Variants in PHAF1 observed in about 807,000 individuals in gnomAD.
The protein encoded by PHAF1 is phagosome assembly factor 1.
PHAF1 carries 23 observed loss-of-function variants against 63.1 expected under a neutral mutation model. The ratio of observed to expected loss-of-function variants is 0.36; its 90% CI spans 0.26 to 0.52. The LOEUF is 0.52. Among genes scored for constraint, PHAF1 ranks in the 20% least tolerant of loss-of-function variants. PHAF1 has a pLI of 0.93. For missense variants in PHAF1, 427 were observed against 517.2 expected (o/e 0.83, Z 1.69); for synonymous variants, 167 against 185.0 (o/e 0.90, Z 0.79).
In PHAF1 at chr16:67,147,300, GC is replaced by G; in HGVS notation, c.*172del. ...TGGGTGCTCTGCCATGGGCTGAGTG[GC>G]CCAGATATTCTTCTGTCCATCTTTG... On this transcript the variant is annotated 3_prime_UTR_variant, in exon 16 of 16. Coordinates refer to ENST00000219139, the MANE Select transcript of PHAF1 (RefSeq NM_025187.5). 1.7e-6 allele frequency: 1 copy of G among 603,818 alleles called. No homozygotes were observed. Among genetic ancestry groups the G allele is most frequent in the Non-Finnish European group, 2.9e-6 (1 of 345,712 alleles). 37.4% of individuals were successfully genotyped at this position (603,818 alleles called of 1,614,324 possible). A position where few individuals can be genotyped will look rare whatever the true frequency, so the allele number is the denominator to read the frequency against.
intron 3 of PHAF1, among the ~76,000 whole-genome samples, chr16:67,127,223 TG>T: frequency 6.6e-6 from 1 of 152,188 alleles, no homozygotes; most frequent in East Asian, 1.9e-4. Context: ...AGGTTAGTCA[TG>T]TGACACCAGA....
At chr16:67,143,544 C>G (rs952095215) in intron 10 of PHAF1, among the ~76,000 whole-genome samples, 1 of 152,188 alleles carries the variant, frequency 6.6e-6, no homozygotes, top group African/African-American at 2.4e-5. Flanking sequence ...CTCCTGGGGC[C>G]TTGGTTTCCT....
At chr16:67,117,692 G>C (rs555388166) in intron 1 of PHAF1, among the ~76,000 whole-genome samples, 2 of 151,304 alleles carry the variant, frequency 1.3e-5, no homozygotes, top group African/African-American at 4.9e-5. Context: ...CCCAGGAGGC[G>C]GAGCTTGCAG....
At chr16:67,125,303 T>C (rs1430421183) in intron 2 of PHAF1, among the ~76,000 whole-genome samples, 1 of 152,182 alleles carries the variant, frequency 6.6e-6, no homozygotes, top group African/African-American at 2.4e-5. Flanking sequence ...TGCAGAAATA[T>C]GACTCTTTAG....
chr16:67,117,976 A>G (rs1374669061), intron 1 of PHAF1, among the ~76,000 whole-genome samples: 1 of 139,972 alleles, frequency 7.1e-6, no homozygotes, highest in African/African-American at 2.8e-5. Context: ...TTTTTTTGAG[A>G]TAGAGTCTCG....
intron 10 of PHAF1, among the ~76,000 whole-genome samples, chr16:67,143,825 A>C (rs1275555426): frequency 6.6e-6 from 1 of 152,084 alleles, no homozygotes; most frequent in East Asian, 1.9e-4. Flanking sequence ...ACGGTGGCTC[A>C]CACCTGTAAT....
At chr16:67,147,004 T>C (rs2030150577) in intron 15 of PHAF1, 41 bp from the exon 16 acceptor site, 1 of 1,544,706 alleles carries the variant, frequency 6.5e-7, no homozygotes, top group Non-Finnish European at 9.0e-7. Context: ...CTACATCCCT[T>C]TACCTCTCCC....
At chr16:67,144,465 A>G in intron 11 of PHAF1, 89 bp downstream of exon 11, 1 of 917,782 alleles carries the variant, frequency 1.1e-6, no homozygotes, top group South Asian at 1.4e-5. Context: ...GGTGTTCACT[A>G]ATTTATCTAC....
chr16:67,138,253 T>C (rs1172696259), intron 8 of PHAF1, among the ~76,000 whole-genome samples: 1 of 152,166 alleles, frequency 6.6e-6, no homozygotes, highest in Non-Finnish European at 1.5e-5. Context: ...GGACTTTTGG[T>C]GGGTTCTATA....
intron 3 of PHAF1, among the ~76,000 whole-genome samples, chr16:67,126,316 C>T (rs1963186385): frequency 1.3e-5 from 2 of 152,132 alleles, no homozygotes; most frequent in Middle Eastern, 6.8e-3. Flanking sequence ...ATTTGGGAAA[C>T]ATGCTGTGGG....
intron 6 of PHAF1, among the ~76,000 whole-genome samples, chr16:67,133,670 C>T (rs917592368): frequency 6.6e-6 from 1 of 151,782 alleles, no homozygotes; most frequent in Admixed American, 6.6e-5. Context: ...GTCCCAGCTA[C>T]TTGGGAGGCT....
rs1962907524 is a variant in PHAF1 at position 67,119,971 on chromosome 16, C to CT, written c.65-139dup. Reference sequence around the variant, plus strand: ...TGTAGCTCTTACTGCTTATTGAACTCTTATTTACTCATGTATCTGTAGACC... The same window carrying CT: ...TGTAGCTCTTACTGCTTATTGAACTCTTTATTTACTCATGTATCTGTAGACC... On this transcript the variant is annotated intron_variant, in intron 1 of 15. Coordinates refer to ENST00000219139, the MANE Select transcript of PHAF1 (RefSeq NM_025187.5). 1.7e-5 allele frequency: 11 copies of CT among 629,746 alleles called. No homozygotes were observed. The South Asian group carries it at 2.0e-4, about 11-fold the overall frequency. 39.0% of individuals were successfully genotyped at this position (629,746 alleles called of 1,614,324 possible).
At chr16:67,144,744 G>A (rs1311130715) in intron 11 of PHAF1, 90 bp from the exon 12 acceptor site, 1 of 1,439,516 alleles carries the variant, frequency 6.9e-7, no homozygotes, top group Non-Finnish European at 9.8e-7. Flanking sequence ...GGTGTGTTTG[G>A]TTCTGTTTCT....
At chr16:67,115,393 G>A (rs1333769545) in intron 1 of PHAF1, among the ~76,000 whole-genome samples, 1 of 152,256 alleles carries the variant, frequency 6.6e-6, no homozygotes, top group Non-Finnish European at 1.5e-5. Flanking sequence ...GAGCATTCCA[G>A]ATTCCAGCAG....
intron 10 of PHAF1, among the ~76,000 whole-genome samples, chr16:67,141,080 G>A (rs1447543841): frequency 6.6e-6 from 1 of 152,220 alleles, no homozygotes; most frequent in Admixed American, 6.5e-5. Context: ...TCCAGCTGGT[G>A]GGTGAGTTGC....
intron 2 of PHAF1, among the ~76,000 whole-genome samples, chr16:67,122,540 C>CA (rs1963024812): frequency 7.0e-6 from 1 of 143,160 alleles, no homozygotes; most frequent in Non-Finnish European, 1.5e-5. Context: ...CACTGCACTT[C>CA]AGCCTAGGTG....
chr16:67,138,829 G>C (rs564661408), intron 8 of PHAF1, among the ~76,000 whole-genome samples: 1 of 152,294 alleles, frequency 6.6e-6, no homozygotes, highest in South Asian at 2.1e-4. Flanking sequence ...TGTAGAATTA[G>C]GGAGACAAGT....
At position 67,147,508 on chromosome 16, in the gene PHAF1, C is replaced by T. The variant is rs1428545027; in HGVS notation, c.*377C>T. The T allele has an allele frequency of 1.4e-5, 3 of 220,484 alleles. No individual in the cohort carries two copies. The highest frequency in any genetic ancestry group is 4.5e-5 in the African/African-American group (2 of 43,960). The allele number at this position is 220,484 out of a possible 1,614,324, so 13.7% of individuals were successfully genotyped here. A position where few individuals can be genotyped will look rare whatever the true frequency, so the allele number is the denominator to read the frequency against. On this transcript the variant is annotated 3_prime_UTR_variant, in exon 16 of 16. Coordinates refer to ENST00000219139, the MANE Select transcript of PHAF1 (RefSeq NM_025187.5). ...AGGACACAGGCACCCAGGATAAGGA[C>T]AAGGTCCTGCCTTTGGCTCCACATT...
At position 67,147,130 on chromosome 16, in the gene PHAF1, AG is replaced by A. The variant is rs1359050466; in HGVS notation, c.*2del. 25 of 1,608,960 alleles carry A rather than the reference AG, an allele frequency of 1.6e-5. No individual in the cohort carries two copies. The highest frequency in any genetic ancestry group is 2.1e-5 in the Non-Finnish European group (25 of 1,175,484). ...CACCTGAGAACAGCGGAACTCCCCT[AG>A]GGACACCACCACCCATGCCCCTCTG... Reference protein sequence around the residue: ...GSHLRTAELP* With the variant: ...GSHLRTAELPX On this transcript the variant is annotated frameshift_variant and stop_lost, in exon 16 of 16. Coordinates refer to ENST00000219139, the MANE Select transcript of PHAF1 (RefSeq NM_025187.5). LOFTEE classifies it high-confidence loss of function.
Sources: gnomAD v4.1 joint callset for allele counts (sites outside exome capture counted in the v4.1 genomes callset) on GRCh38, gnomAD v4.1.1 for gene constraint, MANE v1.5 for transcripts, NCBI Gene and HGNC (gene_info 2026-07-23, HGNC 2026-07-21) for gene names.